DSCAM: variants seen among roughly 807,000 people sequenced by gnomAD.
DSCAM encodes cell adhesion molecule DSCAM.
A neutral mutation model predicts 217.7 loss-of-function variants in DSCAM; 47 were observed. That is an observed-to-expected ratio of 0.22 (90% CI 0.17 to 0.28). The LOEUF is 0.28. DSCAM is among the 10% of genes least tolerant of loss of function. The probability of loss-of-function intolerance (pLI) is 1.00; values close to 1 mark genes in which losing one functional copy is unlikely to be tolerated. For missense variants in DSCAM, 2,080 were observed against 2,618.3 expected, an observed-to-expected ratio of 0.79 and a Z score of 4.49; for synonymous variants, 1,056 against 1,015.3, an observed-to-expected ratio of 1.04 and a Z score of -0.76.
At chr21:40,622,685 T>C (rs2089537347) in intron 3 of DSCAM, among the ~76,000 whole-genome samples, 1 of 152,162 alleles carries the variant, frequency 6.6e-6, no homozygotes, top group African/African-American at 2.4e-5. Context: ...GAAAGCTGGA[T>C]TGGACAGCTC....
Position 40,029,426 on chromosome 21 carries a change from G to GTT in DSCAM, c.5686+12943_5686+12944dup, listed in dbSNP as rs924937730. 6.8e-3 allele frequency among the ~76,000 whole-genome samples: 963 copies of GTT among 141,588 alleles called. 7 individuals carry two copies. The highest frequency in any genetic ancestry group is 0.017 in the African/African-American group (607 of 36,556). The allele number at this position is 141,588 out of a possible 152,430, so 92.9% of individuals were successfully genotyped here. ...TTCCTTGGGGAATGCATTTGAGGTTGTTTTTTTTTTTTTTAGTGGGAAAAG... is the reference window on the plus strand; with the variant it reads ...TTCCTTGGGGAATGCATTTGAGGTTGTTTTTTTTTTTTTTTTAGTGGGAAAAG... On this transcript the variant is annotated intron_variant, in intron 32 of 32. Coordinates refer to ENST00000400454, the MANE Select transcript of DSCAM (RefSeq NM_001389.5).
chr21:40,730,038 C>G (rs2090997070), intron 1 of DSCAM, among the ~76,000 whole-genome samples: 1 of 152,166 alleles, frequency 6.6e-6, no homozygotes, highest in Non-Finnish European at 1.5e-5. Flanking sequence ...ACTAGACATA[C>G]CATTAATAAT....
At chr21:40,218,651 T>C (rs1282826572) in intron 11 of DSCAM, among the ~76,000 whole-genome samples, 1 of 152,146 alleles carries the variant, frequency 6.6e-6, no homozygotes, top group Non-Finnish European at 1.5e-5. Context: ...CTTGTTTGTG[T>C]CTTCCCTGAT....
intron 3 of DSCAM, among the ~76,000 whole-genome samples, chr21:40,553,522 G>A (rs1451816560): frequency 2.6e-5 from 4 of 152,208 alleles, no homozygotes; most frequent in Non-Finnish European, 1.5e-5. Flanking sequence ...AATGTATAAT[G>A]TAAGAAAATT....
intron 3 of DSCAM, among the ~76,000 whole-genome samples, chr21:40,635,201 G>C (rs1193613823): frequency 6.6e-6 from 1 of 152,126 alleles, no homozygotes; most frequent in Non-Finnish European, 1.5e-5. Context: ...ATCGACAGGA[G>C]AGAAAGGGGA....
intron 3 of DSCAM, among the ~76,000 whole-genome samples, chr21:40,664,661 G>A (rs1009379819): frequency 1.3e-5 from 2 of 152,332 alleles, no homozygotes; most frequent in Non-Finnish European, 2.9e-5. Context: ...CTCCACAGAC[G>A]TGGAGTGCCC....
At chr21:40,583,882 C>G (rs932890242) in intron 3 of DSCAM, among the ~76,000 whole-genome samples, 27 of 142,382 alleles carry the variant, frequency 1.9e-4, no homozygotes, top group African/African-American at 7.0e-4. Flanking sequence ...TGAAATGAAA[C>G]CTACTTTAAA....
intron 8 of DSCAM, among the ~76,000 whole-genome samples, chr21:40,332,076 T>C (rs1411229659): frequency 6.6e-6 from 1 of 152,210 alleles, no homozygotes; most frequent in Non-Finnish European, 1.5e-5. Flanking sequence ...AGTCCTTTCT[T>C]GTTCTGACCT....
At position 40,353,455 on chromosome 21, in the gene DSCAM, T is replaced by A. The variant is rs780052666; in HGVS notation, c.934+10A>T. 6.3e-7 allele frequency: 1 copy of A among 1,596,696 alleles called. No homozygotes were observed. The highest frequency in any genetic ancestry group is 2.2e-5 in the East Asian group (1 of 44,488). ...CCAACACCACCTTTGCAAGTTACCG[T>A]CCAACTTACGTTTCACGTACAGGCG... is the stretch of plus-strand genomic sequence containing the variant. On this transcript the variant is annotated intron_variant, in intron 5 of 32. Transcript: ENST00000400454.
intron 1 of DSCAM, among the ~76,000 whole-genome samples, chr21:40,739,729 G>A (rs961066467): frequency 6.6e-6 from 1 of 151,536 alleles, no homozygotes; most frequent in Non-Finnish European, 1.5e-5. Flanking sequence ...CATAACCCTG[G>A]GGATAAACTG....
intron 3 of DSCAM, among the ~76,000 whole-genome samples, chr21:40,636,770 T>C: frequency 6.6e-6 from 1 of 151,178 alleles, no homozygotes; most frequent in Non-Finnish European, 1.5e-5. Context: ...CTTTTTTTTT[T>C]TTTTTTTCAC....
intron 9 of DSCAM, among the ~76,000 whole-genome samples, chr21:40,297,539 T>G (rs1410938894): frequency 6.6e-6 from 1 of 152,164 alleles, no homozygotes; most frequent in African/African-American, 2.4e-5. Flanking sequence ...TGAGCCTATG[T>G]GTTACAGGTA....
intron 1 of DSCAM, among the ~76,000 whole-genome samples, chr21:40,832,982 C>A (rs2092024279): frequency 6.6e-6 from 1 of 152,204 alleles, no homozygotes; most frequent in Non-Finnish European, 1.5e-5. Flanking sequence ...CAAACCTAAA[C>A]TGTGTTATCA....
chr21:40,292,196 T>A (rs59129571), intron 10 of DSCAM, among the ~76,000 whole-genome samples: 2,318 of 151,112 alleles, frequency 0.015, 75 homozygotes, highest in African/African-American at 0.054. Context: ...TTTTTTTTTT[T>A]TTTTTTTTTT....
chr21:40,551,484 T>C (rs151187174), intron 3 of DSCAM, among the ~76,000 whole-genome samples: 2 of 152,244 alleles, frequency 1.3e-5, no homozygotes, highest in East Asian at 1.9e-4. Context: ...AGACAATAGA[T>C]AGCAAATGTT....
In DSCAM at chr21:40,179,184, CAAAAAAAAAA is replaced by C. The variant is rs11286508; in HGVS notation, c.2780-100_2780-91del. ...AAGTTCACAAGTAGGAATTAAAAACCAAAAAAAAAAAAAAAAAAAAAAAAAGACGGAAAGA... is the reference window on the plus strand; with the variant it reads ...AAGTTCACAAGTAGGAATTAAAAACCAAAAAAAAAAAAAAAGACGGAAAGA... On this transcript the variant is annotated intron_variant, in intron 14 of 32. Coordinates refer to ENST00000400454, the MANE Select transcript of DSCAM (RefSeq NM_001389.5). 73 of 102,622 alleles carry C rather than the reference CAAAAAAAAAA, an allele frequency of 7.1e-4. 1 individual carries two copies. The highest frequency in any genetic ancestry group is 0.011 in the Middle Eastern group (2 of 180). The allele number at this position is 102,622 out of a possible 1,614,324, so 6.4% of individuals were successfully genotyped here.
chr21:40,537,138 G>A (rs2076505691), intron 3 of DSCAM, among the ~76,000 whole-genome samples: 1 of 152,160 alleles, frequency 6.6e-6, no homozygotes, highest in South Asian at 2.1e-4. Context: ...AGATACCCAT[G>A]AAAGTCCCTT....
intron 3 of DSCAM, among the ~76,000 whole-genome samples, chr21:40,676,855 G>A (rs973357213): frequency 6.6e-6 from 1 of 151,798 alleles, no homozygotes; most frequent in African/African-American, 2.4e-5. Flanking sequence ...AAATTACTTC[G>A]CTTGGAAATC....
chr21:40,625,721 A>G (rs899003169), intron 3 of DSCAM, among the ~76,000 whole-genome samples: 1 of 152,178 alleles, frequency 6.6e-6, no homozygotes. Flanking sequence ...CTATTGGATC[A>G]CTGTACTCAC....
Sources: gnomAD v4.1 joint callset for allele counts (sites outside exome capture counted in the v4.1 genomes callset) on GRCh38, gnomAD v4.1.1 for gene constraint, MANE v1.5 for transcripts, NCBI Gene and HGNC (gene_info 2026-07-23, HGNC 2026-07-21) for gene names.